The following HEPACAM2 variants were observed in gnomAD, a reference collection of about 807,000 sequenced individuals.
HEPACAM2 encodes HEPACAM family member 2, also known as mitotic kinetics regulator.
Under a neutral mutation model 49.6 loss-of-function variants are expected in HEPACAM2, and 49 were observed. The ratio of observed to expected loss-of-function variants is 0.99; its 90% CI spans 0.78 to 1.25. HEPACAM2 has a LOEUF of 1.25. Among genes scored for constraint, HEPACAM2 ranks in the 50% most tolerant of loss-of-function variants. The probability of loss-of-function intolerance (pLI) is 0.00; values close to 1 mark genes in which losing one functional copy is unlikely to be tolerated. For missense variants in HEPACAM2, 525 were observed against 557.2 expected, an observed-to-expected ratio of 0.94 and a Z score of 0.58; for synonymous variants, 197 against 202.9, an observed-to-expected ratio of 0.97 and a Z score of 0.25.
chr7:93,193,550 G>T (rs1374999230), intron 8 of HEPACAM2, among the ~76,000 whole-genome samples: 1 of 152,096 alleles, frequency 6.6e-6, no homozygotes, highest in African/African-American at 2.4e-5. Flanking sequence ...TGTGCAATTG[G>T]TAGAGACAGA....
upstream of HEPACAM2, among the ~76,000 whole-genome samples, chr7:93,229,184 C>A (rs1160977628): frequency 6.6e-6 from 1 of 152,178 alleles, no homozygotes. Flanking sequence ...TTAGTGGATT[C>A]TCTCCAGTTT....
At chr7:93,223,360 G>C (rs923537957) in intron 1 of HEPACAM2, among the ~76,000 whole-genome samples, 2 of 152,086 alleles carry the variant, frequency 1.3e-5, no homozygotes, top group Non-Finnish European at 1.5e-5. Flanking sequence ...TCTTAAATAT[G>C]AAAAGACTGG....
In HEPACAM2 at chr7:93,208,688, C is replaced by T. The variant is rs938401416; in HGVS notation, c.904G>A (p.Ala302Thr). Residue 302 changes from alanine (A) to threonine (T), a missense_variant, in exon 4 of 10, where the codon GCA becomes ACA. Transcript: ENST00000394468. ...IIKHGPRLEV[A>T]SEKVAQKTMD... ...GTCTTCTGGGCTACTTTCTCAGATG[C>T]AACTTCTAAGCGAGGCCCATGCTTA... The T allele has an allele frequency of 5.6e-6, 9 of 1,613,192 alleles. No homozygotes were observed. The highest frequency in any genetic ancestry group is 1.7e-5 in the Admixed American group (1 of 59,918).
intron 8 of HEPACAM2, among the ~76,000 whole-genome samples, chr7:93,195,579 G>A (rs959243005): frequency 6.6e-6 from 1 of 152,094 alleles, no homozygotes; most frequent in African/African-American, 2.4e-5. Flanking sequence ...AGATTACCAG[G>A]TAAAGACTAT....
In HEPACAM2 at chr7:93,193,351, C is replaced by T. The variant is rs372674487; in HGVS notation, c.1276-988G>A. ...TTTGTGTCAAGGAAATTTTGGTTTA[C>T]GATCTATCCTTGAGATCAGCTCTTG... On this transcript the variant is annotated intron_variant, in intron 8 of 9. Coordinates refer to ENST00000394468, the MANE Select transcript of HEPACAM2 (RefSeq NM_001039372.4). Among the ~76,000 whole-genome samples, 90 of 152,160 alleles carry T rather than the reference C, an allele frequency of 5.9e-4. No homozygotes were observed. The Middle Eastern group carries it at 0.01, about 17-fold the overall frequency.
intron 4 of HEPACAM2, among the ~76,000 whole-genome samples, chr7:93,203,142 G>T (rs1043866973): frequency 6.6e-6 from 1 of 152,104 alleles, no homozygotes; most frequent in African/African-American, 2.4e-5. Flanking sequence ...CAAAGGCCAA[G>T]AGTCTTCCCA....
upstream of HEPACAM2, among the ~76,000 whole-genome samples, chr7:93,230,700 C>G (rs1794609991): frequency 6.6e-6 from 1 of 152,162 alleles, no homozygotes; most frequent in Non-Finnish European, 1.5e-5. Flanking sequence ...GATTTTCACA[C>G]ACAAAGAACA....
At chr7:93,212,185 A>G (rs779516128) in intron 3 of HEPACAM2, among the ~76,000 whole-genome samples, 9 of 152,128 alleles carry the variant, frequency 5.9e-5, no homozygotes, top group Non-Finnish European at 1.2e-4. Flanking sequence ...ACCTAATTTA[A>G]TAAGTTCATT....
At chr7:93,196,240 C>T (rs1238322081) in intron 7 of HEPACAM2, among the ~76,000 whole-genome samples, 1 of 152,128 alleles carries the variant, frequency 6.6e-6, no homozygotes, top group Non-Finnish European at 1.5e-5. Flanking sequence ...CTGAAGGTCA[C>T]ACCAGTTCTT....
At chr7:93,196,721 C>T (rs1020358054) in intron 7 of HEPACAM2, among the ~76,000 whole-genome samples, 3 of 152,050 alleles carry the variant, frequency 2.0e-5, no homozygotes, top group Non-Finnish European at 2.9e-5. Flanking sequence ...TGGCCTGAGC[C>T]AAAACTTTGT....
At chr7:93,226,020 G>A in intron 1 of HEPACAM2, 1 of 666,084 alleles carries the variant, frequency 1.5e-6, no homozygotes, top group Non-Finnish European at 2.5e-6. Context: ...ACAATTTCAT[G>A]GCCTATTAGA....
At chr7:93,227,551 A>C (rs151130111), upstream of HEPACAM2, among the ~76,000 whole-genome samples, 335 of 152,328 alleles carry the variant, frequency 2.2e-3, 1 homozygote, top group African/African-American at 7.6e-3. Flanking sequence ...TCTTTGCATT[A>C]GGGCTCTGAA....
intron 9 of HEPACAM2, among the ~76,000 whole-genome samples, chr7:93,189,596 T>C (rs1793490087): frequency 6.6e-6 from 1 of 151,872 alleles, no homozygotes; most frequent in Non-Finnish European, 1.5e-5. Flanking sequence ...CATCCAGCCA[T>C]AAGTTCACTA....
At chr7:93,219,496 T>G in intron 1 of HEPACAM2, 45 bp from the exon 2 acceptor site, 1 of 1,611,130 alleles carries the variant, frequency 6.2e-7, no homozygotes, top group East Asian at 2.2e-5. Context: ...GAGCCACATT[T>G]CACAATCTAA....
chr7:93,218,051 C>G (rs987314154), intron 2 of HEPACAM2, among the ~76,000 whole-genome samples: 1 of 152,018 alleles, frequency 6.6e-6, no homozygotes, highest in South Asian at 2.1e-4. Flanking sequence ...GTAGAGCAAA[C>G]AGCAAGTACA....
At chr7:93,213,945 T>C (rs1179718607) in intron 3 of HEPACAM2, among the ~76,000 whole-genome samples, 1 of 152,100 alleles carries the variant, frequency 6.6e-6, no homozygotes. Flanking sequence ...ATGATAAAGA[T>C]TGTAAACATT....
intron 4 of HEPACAM2, among the ~76,000 whole-genome samples, chr7:93,204,936 C>A (rs766133765): frequency 6.6e-6 from 1 of 151,936 alleles, no homozygotes; most frequent in African/African-American, 2.4e-5. Context: ...CTCATCTCTA[C>A]TAAAAATACA....
chr7:93,196,401 A>G (rs957538394), intron 7 of HEPACAM2, among the ~76,000 whole-genome samples: 5 of 152,134 alleles, frequency 3.3e-5, no homozygotes, highest in African/African-American at 7.2e-5. Flanking sequence ...ATAAACTATC[A>G]TCTATAGAAT....
At chr7:93,196,822 T>C (rs1793737050) in intron 7 of HEPACAM2, among the ~76,000 whole-genome samples, 1 of 152,154 alleles carries the variant, frequency 6.6e-6, no homozygotes, top group African/African-American at 2.4e-5. Flanking sequence ...CCAAATCTTC[T>C]TTTCCTCTTC....
Sources: allele counts gnomAD v4.1 joint callset (sites outside exome capture counted in the v4.1 genomes callset), GRCh38; gene constraint gnomAD v4.1.1; transcripts MANE v1.5; gene names NCBI Gene and HGNC (gene_info 2026-07-23, HGNC 2026-07-21).